The following MMACHC variants were observed in gnomAD, a reference collection of about 807,000 sequenced individuals.
The protein encoded by MMACHC is metabolism of cobalamin associated C, also known as cyanocobalamin reductase / alkylcobalamin dealkylase.
In MMACHC, 14 loss-of-function variants were observed where a neutral mutation model predicts 17.6. The observed-to-expected ratio is 0.80, with a 90% CI of 0.53 to 1.25. The LOEUF (loss-of-function observed/expected upper bound fraction) is 1.25. Ranked by LOEUF, MMACHC falls within the 50% of genes most tolerant of loss-of-function variation. The pLI, the probability that MMACHC is intolerant of heterozygous loss-of-function variation, is 0.00. For synonymous variants in MMACHC, 151 were observed against 142.1 expected (o/e 1.06, Z -0.45); for missense variants, 392 against 364.5 (o/e 1.08, Z -0.62).
At chr1:45,505,858 C>T (rs369839251) in intron 1 of MMACHC, among the ~76,000 whole-genome samples, 6 of 150,436 alleles carry the variant, frequency 4.0e-5, no homozygotes, top group East Asian at 4.0e-4. Flanking sequence ...GCCTAGATCA[C>T]GCCACTGCAC....
chr1:45,500,532 C>T, intron 1 of MMACHC, 119 bp downstream of exon 1: 1 of 958,222 alleles, frequency 1.0e-6, no homozygotes, highest in South Asian at 1.3e-5. Flanking sequence ...GTCCATGTGA[C>T]AACAGGGACA....
chr1:45,509,194 ACCTGCATCC>A lies in MMACHC; in HGVS notation c.833_841del (p.Ala278_Pro280del). The A allele has an allele frequency of 6.2e-7, 1 of 1,613,662 alleles. No homozygotes were observed. Among genetic ancestry groups the A allele is most frequent in the Non-Finnish European group, 8.5e-7 (1 of 1,179,932 alleles). On this transcript the variant is annotated inframe_deletion, in exon 4 of 4. Transcript: ENST00000401061. Reference sequence around the variant, plus strand: ...GCTGGCTCAGCCCCAGGGTCTCACCACCTGCATCCCCTGGCCCTTGATTTTCTCCCATGT... The same window carrying A: ...GCTGGCTCAGCCCCAGGGTCTCACCACCTGGCCCTTGATTTTCTCCCATGT...
chr1:45,504,643 T>C (rs1283192635), intron 1 of MMACHC, among the ~76,000 whole-genome samples: 1 of 151,806 alleles, frequency 6.6e-6, no homozygotes, highest in African/African-American at 2.4e-5. Context: ...GATGATTGCT[T>C]GAGGGAGGGA....
chr1:45,511,991 C>A lies in MMACHC; in HGVS notation c.*2776C>A, dbSNP rs1643757037. On this transcript the variant is annotated 3_prime_UTR_variant, in exon 4 of 4. Transcript: ENST00000401061. Reference sequence around the variant, plus strand: ...TTATACAGAAAGCACAGCCTTCAACCTTTTCCTGACAATGCCTAAGAATGT... The same window carrying A: ...TTATACAGAAAGCACAGCCTTCAACATTTTCCTGACAATGCCTAAGAATGT... The A allele has an allele frequency of 6.6e-6, 1 of 151,510 alleles. No homozygotes were observed. Among genetic ancestry groups the A allele is most frequent in the Admixed American group, 6.6e-5 (1 of 15,212 alleles). The allele number at this position is 151,510 out of a possible 1,614,324, so 9.4% of individuals were successfully genotyped here.
intron 1 of MMACHC, among the ~76,000 whole-genome samples, chr1:45,505,086 A>G (rs1643601431): frequency 7.2e-6 from 1 of 139,140 alleles, no homozygotes; most frequent in African/African-American, 2.7e-5. Context: ...ACTGTACCCT[A>G]GCCCCTGGGC....
rs1434446971 is a variant in MMACHC, at chr1:45,511,959, C to A, written c.*2744C>A. 6.6e-6 allele frequency: 1 copy of A among 151,654 alleles called. No individual in the cohort carries two copies. Among genetic ancestry groups the A allele is most frequent in the East Asian group, 1.9e-4 (1 of 5,172 alleles). The allele number at this position is 151,654 out of a possible 1,614,324, so 9.4% of individuals were successfully genotyped here. ...GCAAAAGGCAGAGTTTGAAATTTTTCATAGATTTATACAGAAAGCACAGCC... is the reference window on the plus strand; with the variant it reads ...GCAAAAGGCAGAGTTTGAAATTTTTAATAGATTTATACAGAAAGCACAGCC... On this transcript the variant is annotated 3_prime_UTR_variant, in exon 4 of 4. Transcript: ENST00000401061.
rs56934185 is a variant in MMACHC at position 45,509,416 on chromosome 1, G to GT, written c.*217dup. On this transcript the variant is annotated 3_prime_UTR_variant, in exon 4 of 4. Transcript: ENST00000401061. ...AGAATTCCCATCTGCCTTCAAATGA[G>GT]TTTTTTTTTTTTTTTTAGACAGAGT... 12,739 of 389,550 alleles carry GT rather than the reference G, an allele frequency of 0.033. 4 individuals carry two copies. Among genetic ancestry groups the GT allele is most frequent in the Non-Finnish European group, 0.04 (9,053 of 227,846 alleles). The allele number at this position is 389,550 out of a possible 1,614,324, so 24.1% of individuals were successfully genotyped here. A position where few individuals can be genotyped will look rare whatever the true frequency, so the allele number is the denominator to read the frequency against.
chr1:45,509,415 A>ATTTTTTTTTTTTTTTTT lies in MMACHC; in HGVS notation c.*200_*201insTTTTTTTTTTTTTTTTT. 2 of 245,532 alleles carry ATTTTTTTTTTTTTTTTT rather than the reference A, an allele frequency of 8.1e-6. No homozygotes were observed. The highest frequency in any genetic ancestry group is 1.1e-3 in the Middle Eastern group (1 of 930). 15.2% of individuals were successfully genotyped at this position (245,532 alleles called of 1,614,324 possible). A position where few individuals can be genotyped will look rare whatever the true frequency, so the allele number is the denominator to read the frequency against. ...CAGAATTCCCATCTGCCTTCAAATG[A>ATTTTTTTTTTTTTTTTT]GTTTTTTTTTTTTTTTTAGACAGAG... On this transcript the variant is annotated 3_prime_UTR_variant, in exon 4 of 4. Transcript: ENST00000401061.
In MMACHC at chr1:45,509,416, GTTTTT is replaced by G. The variant is rs56934185; in HGVS notation, c.*213_*217del. On this transcript the variant is annotated 3_prime_UTR_variant, in exon 4 of 4. Coordinates refer to ENST00000401061, the MANE Select transcript of MMACHC (RefSeq NM_015506.3). Reference sequence around the variant, plus strand: ...AGAATTCCCATCTGCCTTCAAATGAGTTTTTTTTTTTTTTTTAGACAGAGTCTTAC... The same window carrying G: ...AGAATTCCCATCTGCCTTCAAATGAGTTTTTTTTTTTAGACAGAGTCTTAC... The G allele has an allele frequency of 7.7e-6, 3 of 391,734 alleles. No individual in the cohort carries two copies. The highest frequency in any genetic ancestry group is 1.3e-5 in the Non-Finnish European group (3 of 229,320). The allele number at this position is 391,734 out of a possible 1,614,324, so 24.3% of individuals were successfully genotyped here.
intron 1 of MMACHC, among the ~76,000 whole-genome samples, chr1:45,506,443 CTGCTCTG>C (rs1279624830): frequency 6.6e-6 from 1 of 152,126 alleles, no homozygotes; most frequent in Non-Finnish European, 1.5e-5. Flanking sequence ...TTTAGGAACT[CTGCTCTG>C]TGGGTCCTCG....
In MMACHC at chr1:45,509,194, A is replaced by G. The variant is rs1288893138; in HGVS notation, c.828A>G (p.Pro276=). The G allele has an allele frequency of 1.2e-6, 2 of 1,613,546 alleles. No homozygotes were observed. The highest frequency in any genetic ancestry group is 1.3e-5 in the African/African-American group (1 of 74,770). The stretch of plus-strand genomic sequence containing the variant: ...GCTGGCTCAGCCCCAGGGTCTCACC[A>G]CCTGCATCCCCTGGCCCTTGATTTT... ...ARSWLSPRVS[P]PASPGP Residue 276 remains proline (P), a synonymous_variant, in exon 4 of 4, where the codon CCA becomes CCG. Coordinates refer to ENST00000401061, the MANE Select transcript of MMACHC (RefSeq NM_015506.3).
chr1:45,501,936 C>G (rs1036478104), intron 1 of MMACHC, among the ~76,000 whole-genome samples: 2 of 152,046 alleles, frequency 1.3e-5, no homozygotes, highest in Admixed American at 1.3e-4. Context: ...ATGCTGTGGT[C>G]CAGGCCACCA....
chr1:45,506,768 TGA>T (rs2149322992), intron 1 of MMACHC, among the ~76,000 whole-genome samples: 1 of 151,938 alleles, frequency 6.6e-6, no homozygotes, highest in African/African-American at 2.4e-5. Flanking sequence ...ATTATAGCTG[TGA>T]GTCACCACAC....
intron 1 of MMACHC, 77 bp downstream of exon 1, chr1:45,500,490 C>G: frequency 1.5e-6 from 2 of 1,378,202 alleles, no homozygotes; most frequent in Non-Finnish European, 2.1e-6. Context: ...GCCTCGGGAG[C>G]CTCTGATCCT....
intron 1 of MMACHC, among the ~76,000 whole-genome samples, chr1:45,506,329 G>T (rs1386151488): frequency 6.6e-6 from 1 of 152,146 alleles, no homozygotes; most frequent in Non-Finnish European, 1.5e-5. Flanking sequence ...CTCCGATCTT[G>T]TTTTTGTCTT....
intron 1 of MMACHC, among the ~76,000 whole-genome samples, chr1:45,505,395 C>T (rs192836311): frequency 6.6e-6 from 1 of 152,038 alleles, no homozygotes; most frequent in Non-Finnish European, 1.5e-5. Flanking sequence ...TTGCAATAAG[C>T]CGAGGCTGCG....
intron 1 of MMACHC, among the ~76,000 whole-genome samples, chr1:45,501,999 C>T (rs1643554855): frequency 6.6e-6 from 1 of 152,166 alleles, no homozygotes; most frequent in Non-Finnish European, 1.5e-5. Context: ...TACCTCCAGT[C>T]CCTCCTCCAC....
chr1:45,502,830 G>T (rs1426830666), intron 1 of MMACHC, among the ~76,000 whole-genome samples: 2 of 151,738 alleles, frequency 1.3e-5, no homozygotes, highest in East Asian at 3.9e-4. Flanking sequence ...TCAGCCTCCA[G>T]AGTAGGTAGG....
Position 45,508,823 on chromosome 1 carries a change from C to T in MMACHC, c.457C>T (p.Arg153Ter), listed in dbSNP as rs757325789. 23 of 1,613,972 alleles carry T rather than the reference C, an allele frequency of 1.4e-5. No homozygotes were observed. The highest frequency in any genetic ancestry group is 2.7e-5 in the African/African-American group (2 of 74,918). Residue 153 changes from arginine (R) to a stop codon, truncating the protein, a stop_gained, in exon 4 of 4, where the codon CGA becomes TGA. Transcript: ENST00000401061. LOFTEE classifies it low-confidence loss of function (END_TRUNC). ...QRISGVCIHP[R>*]FGGWFAIRGV... is the part of the protein sequence containing the mutation. ...CATATCAGGTGTGTGCATACACCCC[C>T]GATTTGGGGGCTGGTTTGCCATCCG...
Sources: gnomAD v4.1 joint callset for allele counts (sites outside exome capture counted in the v4.1 genomes callset) on GRCh38, gnomAD v4.1.1 for gene constraint, MANE v1.5 for transcripts, NCBI Gene and HGNC (gene_info 2026-07-23, HGNC 2026-07-21) for gene names.